ZNF451: variants seen among roughly 807,000 people sequenced by gnomAD.
ZNF451 encodes the protein E3 SUMO-protein ligase ZNF451.
In ZNF451, 80 loss-of-function variants were observed where a neutral mutation model predicts 107.1. The observed-to-expected ratio is 0.75, with a 90% CI of 0.62 to 0.90. The LOEUF (loss-of-function observed/expected upper bound fraction) is 0.90. Among genes scored for constraint, ZNF451 ranks in the 40% least tolerant of loss-of-function variants. The pLI is 0.00. For missense variants in ZNF451, 1,107 were observed against 1,236.2 expected, an observed-to-expected ratio of 0.90 and a Z score of 1.57; for synonymous variants, 362 against 406.5, an observed-to-expected ratio of 0.89 and a Z score of 1.32.
intron 3 of ZNF451, among the ~76,000 whole-genome samples, chr6:57,120,620 T>G (rs1830595241): frequency 6.6e-6 from 1 of 152,230 alleles, no homozygotes; most frequent in Non-Finnish European, 1.5e-5. Flanking sequence ...TATCTCGTTG[T>G]TTTAACATAT....
Position 57,161,171 on chromosome 6 carries a change from T to A in ZNF451, c.3139+19T>A. ...ACAGAAGGTAACCTAATAGAGTTAA[T>A]CTCTTTTCTACTTGACTGTATCTGT... On this transcript the variant is annotated intron_variant, in intron 14 of 14. Transcript: ENST00000370706. 1.4e-6 allele frequency: 2 copies of A among 1,392,534 alleles called. No individual in the cohort carries two copies. Among genetic ancestry groups the A allele is most frequent in the Non-Finnish European group, 1.9e-6 (2 of 1,040,524 alleles). 86.3% of individuals were successfully genotyped at this position (1,392,534 alleles called of 1,614,324 possible).
chr6:57,095,470 C>A (rs1214125292), intron 2 of ZNF451, among the ~76,000 whole-genome samples: 2 of 151,132 alleles, frequency 1.3e-5, no homozygotes, highest in Non-Finnish European at 3.0e-5. Context: ...ATAGCTGGGA[C>A]TACAGGCACG....
At chr6:57,106,895 T>A (rs955183250) in intron 3 of ZNF451, 63 of 951,910 alleles carry the variant, frequency 6.6e-5, no homozygotes, top group Non-Finnish European at 7.1e-5. Flanking sequence ...AATGCAAATC[T>A]TTTTATTATT....
At chr6:57,100,475 A>T in intron 3 of ZNF451, 1 of 1,115,956 alleles carries the variant, frequency 9.0e-7, no homozygotes, top group Non-Finnish European at 1.2e-6. Flanking sequence ...TGTATCTTTC[A>T]CTGTTAATTA....
intron 6 of ZNF451, chr6:57,134,041 C>T (rs957221007): frequency 6.6e-6 from 1 of 152,150 alleles, no homozygotes; most frequent in Non-Finnish European, 1.5e-5. Flanking sequence ...ATTAAACATT[C>T]GACTCCCCAT....
intron 3 of ZNF451, chr6:57,109,769 A>T: frequency 1.1e-6 from 1 of 879,288 alleles, no homozygotes; most frequent in South Asian, 5.3e-5. Context: ...ATAAAATAAG[A>T]GAATGTAGAA....
At chr6:57,117,282 T>G (rs1195988633) in intron 3 of ZNF451, among the ~76,000 whole-genome samples, 2 of 152,092 alleles carry the variant, frequency 1.3e-5, no homozygotes, top group Non-Finnish European at 2.9e-5. Flanking sequence ...GAATGTTTCC[T>G]TTGAGCTTCA....
intron 3 of ZNF451, among the ~76,000 whole-genome samples, chr6:57,115,830 G>A (rs1460801388): frequency 6.6e-6 from 1 of 151,996 alleles, no homozygotes; most frequent in Admixed American, 6.5e-5. Flanking sequence ...ATTCACTGTC[G>A]GTATGGACCC....
intron 8 of ZNF451, 119 bp from the exon 9 acceptor site, chr6:57,141,829 C>A: frequency 1.1e-6 from 1 of 880,078 alleles, no homozygotes; most frequent in Non-Finnish European, 1.7e-6. Context: ...ATTTTTATTG[C>A]CAAAATAACT....
rs776460641 is a variant in ZNF451, at chr6:57,147,599, A to G, written c.1514A>G (p.Lys505Arg). 3 of 1,614,160 alleles carry G rather than the reference A, an allele frequency of 1.9e-6. No homozygotes were observed. Among genetic ancestry groups the G allele is most frequent in the South Asian group, 2.2e-5 (2 of 91,082 alleles). Residue 505 changes from lysine (K) to arginine (R), a missense_variant, in exon 10 of 15, where the codon AAG becomes AGG. Physicochemically the swap from Lys to Arg is conservative, Grantham distance 26. Around this residue, in one of 5 missense-constraint regions of ZNF451, gnomAD observed 608 missense variants for 649.2 expected, o/e 0.94. Transcript: ENST00000370706. ...TMGYKCVVCG[K>R]VCDDSGVIRL... ...GGTTATAAATGTGTGGTCTGTGGAA[A>G]GGTATGTGATGATTCAGGGGTCATT...
chr6:57,121,204 G>T (rs979368132), intron 3 of ZNF451, among the ~76,000 whole-genome samples: 4 of 151,874 alleles, frequency 2.6e-5, no homozygotes, highest in Non-Finnish European at 5.9e-5. Context: ...TATTTATGTG[G>T]GTCTATTTCT....
At chr6:57,138,483 C>T (rs1337378587) in intron 7 of ZNF451, among the ~76,000 whole-genome samples, 3 of 151,442 alleles carry the variant, frequency 2.0e-5, no homozygotes, top group Non-Finnish European at 4.4e-5. Flanking sequence ...AGGCTGGTCT[C>T]GAGCTCCTGA....
intron 3 of ZNF451, among the ~76,000 whole-genome samples, chr6:57,100,021 T>C (rs1181750556): frequency 6.6e-6 from 1 of 152,196 alleles, no homozygotes; most frequent in Admixed American, 6.5e-5. Context: ...GTTGTGAGGA[T>C]GAAATGAGGT....
chr6:57,168,298 CTG>C (rs1409866853), intron 14 of ZNF451, 123 bp from the exon 15 acceptor site: 15 of 619,972 alleles, frequency 2.4e-5, no homozygotes, highest in East Asian at 1.8e-4. Context: ...CCAAGTTATC[CTG>C]TGTTTTTCCA....
chr6:57,104,820 G>A (rs1829774475), intron 3 of ZNF451: 2 of 985,240 alleles, frequency 2.0e-6, no homozygotes, highest in Non-Finnish European at 2.4e-6. Flanking sequence ...ATGCCCAAGT[G>A]TCTCCAGATA....
chr6:57,165,754 C>T (rs1351920153), intron 14 of ZNF451: 1 of 152,136 alleles, frequency 6.6e-6, no homozygotes, highest in Non-Finnish European at 1.5e-5. Flanking sequence ...ATCATGTAGC[C>T]TGTTGCTCCT....
chr6:57,168,758 AT>A lies in ZNF451; in HGVS notation c.*291del. 3.6e-6 allele frequency: 1 copy of A among 279,964 alleles called. No individual in the cohort carries two copies. The allele number at this position is 279,964 out of a possible 1,614,324, so 17.3% of individuals were successfully genotyped here. A position where few individuals can be genotyped will look rare whatever the true frequency, so the allele number is the denominator to read the frequency against. Reference sequence around the variant, plus strand: ...GAATTTATATATTTAGATTTAAAGGATTAAAAAAAAGGAAAGCTCTTGACAG... The same window carrying A: ...GAATTTATATATTTAGATTTAAAGGATAAAAAAAAGGAAAGCTCTTGACAG... On this transcript the variant is annotated 3_prime_UTR_variant, in exon 15 of 15. Transcript: ENST00000370706.
At chr6:57,110,797 G>A (rs187209449) in intron 3 of ZNF451, among the ~76,000 whole-genome samples, 1 of 152,034 alleles carries the variant, frequency 6.6e-6, no homozygotes, top group African/African-American at 2.4e-5. Context: ...TAGGAAACTG[G>A]GTTGTAGACC....
intron 3 of ZNF451, chr6:57,105,247 T>C: frequency 2.0e-6 from 2 of 985,416 alleles, no homozygotes; most frequent in Non-Finnish European, 2.4e-6. Flanking sequence ...TGATCTGGTA[T>C]TCTCAAAAAG....
Sources: allele counts gnomAD v4.1 joint callset (sites outside exome capture counted in the v4.1 genomes callset), GRCh38; gene constraint gnomAD v4.1.1; regional missense constraint gnomAD v4.1.1; transcripts MANE v1.5; gene names NCBI Gene and HGNC (gene_info 2026-07-23, HGNC 2026-07-21).